Variants in LRRC4C observed in about 807,000 individuals in gnomAD.
LRRC4C encodes the protein leucine-rich repeat-containing protein 4C.
Under a neutral mutation model 33.6 loss-of-function variants are expected in LRRC4C, and 5 were observed. The observed-to-expected ratio is 0.15, with a 90% confidence interval of 0.08 to 0.31. The LOEUF (loss-of-function observed/expected upper bound fraction) is 0.31. LRRC4C is among the 10% of genes least tolerant of loss of function. LRRC4C has a pLI of 1.00. For missense variants in LRRC4C, 560 were observed against 796.7 expected (o/e 0.70, Z 3.58); for synonymous variants, 329 against 302.0 (o/e 1.09, Z -0.93).
intron 2 of LRRC4C, among the ~76,000 whole-genome samples, chr11:40,729,623 G>A (rs755254759): frequency 1.3e-5 from 2 of 152,098 alleles, no homozygotes; most frequent in African/African-American, 2.4e-5. Context: ...GGATGGAGAC[G>A]TTCTTTCTTA....
Position 40,545,054 on chromosome 11 carries a change from C to G in LRRC4C, c.-270+103088G>C, listed in dbSNP as rs75760956. On this transcript the variant is annotated intron_variant, in intron 3 of 6. Transcript: ENST00000528697. ...GCCTTTATTTTCTTTTAATTTCCTT[C>G]TGGCTTTTAAGACCCAGCTCAAATA... 9.1e-3 allele frequency among the ~76,000 whole-genome samples: 1,381 copies of G among 152,024 alleles called. 28 individuals are homozygous for G. The highest frequency in any genetic ancestry group is 0.031 in the African/African-American group (1,289 of 41,506).
chr11:40,443,475 A>G (rs1241744089), intron 3 of LRRC4C, among the ~76,000 whole-genome samples: 4 of 152,178 alleles, frequency 2.6e-5, no homozygotes, highest in African/African-American at 9.7e-5. Flanking sequence ...AGTTATTTGC[A>G]TATCATCAGG....
intron 3 of LRRC4C, among the ~76,000 whole-genome samples, chr11:40,483,074 C>T (rs934149665): frequency 6.6e-6 from 1 of 152,124 alleles, no homozygotes; most frequent in Non-Finnish European, 1.5e-5. Context: ...ACAGCCACAA[C>T]ATATACAAGA....
chr11:40,994,542 G>T (rs1853824215), intron 1 of LRRC4C, among the ~76,000 whole-genome samples: 1 of 152,042 alleles, frequency 6.6e-6, no homozygotes, highest in African/African-American at 2.4e-5. Flanking sequence ...CCTACCCATA[G>T]TTGAAAACCC....
intron 4 of LRRC4C, among the ~76,000 whole-genome samples, chr11:40,283,311 T>A (rs991779668): frequency 6.6e-6 from 1 of 152,218 alleles, no homozygotes; most frequent in South Asian, 2.1e-4. Context: ...CACAAGGTAA[T>A]TAAATCACCT....
intron 1 of LRRC4C, among the ~76,000 whole-genome samples, chr11:41,271,409 A>G (rs146572368): frequency 3.3e-5 from 5 of 152,028 alleles, no homozygotes; most frequent in African/African-American, 1.2e-4. Context: ...TCTCATTCAC[A>G]TTCTCTCTGT....
chr11:40,534,186 ACT>A (rs1956382667), intron 3 of LRRC4C, among the ~76,000 whole-genome samples: 1 of 151,768 alleles, frequency 6.6e-6, no homozygotes, highest in South Asian at 2.1e-4. Flanking sequence ...AGGTTGGATG[ACT>A]CTTAGCACAT....
intron 1 of LRRC4C, among the ~76,000 whole-genome samples, chr11:40,959,707 A>G (rs1204339382): frequency 6.6e-6 from 1 of 151,720 alleles, no homozygotes; most frequent in Non-Finnish European, 1.5e-5. Context: ...CTGTTCACAT[A>G]AAATTATATG....
chr11:41,093,927 CAAAAAAAAAA>C (rs56173087), intron 1 of LRRC4C, among the ~76,000 whole-genome samples: 1 of 58,992 alleles, frequency 1.7e-5, no homozygotes, highest in Non-Finnish European at 3.1e-5. Flanking sequence ...CCGTCTCCAC[CAAAAAAAAAA>C]AAAAAAAAAA....
intron 3 of LRRC4C, among the ~76,000 whole-genome samples, chr11:40,447,841 G>C (rs1951708685): frequency 6.6e-6 from 1 of 152,172 alleles, no homozygotes; most frequent in Non-Finnish European, 1.5e-5. Context: ...TTTTGAGACT[G>C]AGTCTCGCTC....
chr11:40,416,813 A>G (rs1767015919), intron 3 of LRRC4C, among the ~76,000 whole-genome samples: 2 of 152,224 alleles, frequency 1.3e-5, no homozygotes, highest in Non-Finnish European at 2.9e-5. Flanking sequence ...AACAGGAACT[A>G]GACTGTAAAC....
At chr11:41,417,613 G>A (rs1408472402) in intron 1 of LRRC4C, among the ~76,000 whole-genome samples, 1 of 151,898 alleles carries the variant, frequency 6.6e-6, no homozygotes, top group Non-Finnish European at 1.5e-5. Context: ...CTCAGGACCA[G>A]GATCTAAAGT....
intron 2 of LRRC4C, among the ~76,000 whole-genome samples, chr11:40,827,710 G>T (rs370716634): frequency 6.6e-6 from 1 of 151,522 alleles, no homozygotes; most frequent in Admixed American, 6.6e-5. Flanking sequence ...ATAATGAAAT[G>T]AGTATGTTTG....
intron 5 of LRRC4C, among the ~76,000 whole-genome samples, chr11:40,155,031 G>T (rs149508232): frequency 6.6e-6 from 1 of 151,878 alleles, no homozygotes; most frequent in Non-Finnish European, 1.5e-5. Flanking sequence ...GAATAAAACT[G>T]GAAATCAACT....
At chr11:41,417,578 G>A (rs1186917808) in intron 1 of LRRC4C, among the ~76,000 whole-genome samples, 2 of 151,938 alleles carry the variant, frequency 1.3e-5, no homozygotes, top group Admixed American at 1.3e-4. Flanking sequence ...ATGCAAATCT[G>A]CAGATCAGCA....
At chr11:40,550,892 GA>G (rs1481618305) in intron 3 of LRRC4C, among the ~76,000 whole-genome samples, 1 of 152,008 alleles carries the variant, frequency 6.6e-6, no homozygotes, top group Non-Finnish European at 1.5e-5. Flanking sequence ...TGTTTACAAA[GA>G]GGTATATCAC....
intron 3 of LRRC4C, among the ~76,000 whole-genome samples, chr11:40,329,408 G>A (rs1318801910): frequency 1.3e-5 from 2 of 152,180 alleles, no homozygotes; most frequent in Non-Finnish European, 2.9e-5. Flanking sequence ...AACATGCCAC[G>A]TGAGTCATGC....
intron 1 of LRRC4C, among the ~76,000 whole-genome samples, chr11:41,189,313 A>G (rs1004385868): frequency 5.9e-5 from 9 of 152,130 alleles, no homozygotes; most frequent in Non-Finnish European, 1.0e-4. Context: ...TAAGACAAGT[A>G]AAAAAAGACA....
At chr11:40,819,941 G>C (rs946104460) in intron 2 of LRRC4C, among the ~76,000 whole-genome samples, 6 of 151,848 alleles carry the variant, frequency 4.0e-5, no homozygotes, top group Admixed American at 3.3e-4. Context: ...CTACATACCA[G>C]AGGGAAGACA....
Sources: gnomAD v4.1 joint callset for allele counts (sites outside exome capture counted in the v4.1 genomes callset) on GRCh38, gnomAD v4.1.1 for gene constraint, MANE v1.5 for transcripts, NCBI Gene and HGNC (gene_info 2026-07-23, HGNC 2026-07-21) for gene names.